Variants in GPC5 observed in about 807,000 individuals in gnomAD.
The protein encoded by GPC5 is glypican-5.
A neutral mutation model predicts 53.9 loss-of-function variants in GPC5; 47 were observed. That is an observed-to-expected ratio of 0.87 (90% CI 0.69 to 1.11). The LOEUF is 1.11. Ranked by LOEUF, GPC5 falls within the 50% of genes most tolerant of loss-of-function variation. GPC5 has a pLI of 0.00. For synonymous variants in GPC5, 286 were observed against 263.3 expected (o/e 1.09, Z -0.84); for missense variants, 748 against 713.1 (o/e 1.05, Z -0.56).
At chr13:92,818,280 C>T (rs1417850395) in intron 7 of GPC5, among the ~76,000 whole-genome samples, 1 of 151,848 alleles carries the variant, frequency 6.6e-6, no homozygotes, top group Non-Finnish European at 1.5e-5. Flanking sequence ...AAAGTGCTGG[C>T]ATTACAGGCG....
chr13:92,166,957 C>CTCTCTCT (rs1566465866), intron 7 of GPC5, among the ~76,000 whole-genome samples: 4 of 63,014 alleles, frequency 6.3e-5, no homozygotes, highest in African/African-American at 2.2e-4. Context: ...CTCTCTCTCT[C>CTCTCTCT]ACACACACAC....
Position 91,919,993 on chromosome 13 carries a change from T to C in GPC5, c.1401+11936T>C, listed in dbSNP as rs1030094729. On this transcript the variant is annotated intron_variant, in intron 6 of 7. Transcript: ENST00000377067. ...CAGTGGGAAGGTAACTCCCCATCTA[T>C]GGTGAAATCCTTTACTATACCCTAT... Among the ~76,000 whole-genome samples the C allele has an allele frequency of 5.3e-5, 8 of 152,306 alleles. No individual in the cohort carries two copies. The East Asian group carries it at 5.8e-4, about 11-fold the overall frequency.
In GPC5 at chr13:91,816,166, C is replaced by T. The variant is rs190647771; in HGVS notation, c.1280+59746C>T. On this transcript the variant is annotated intron_variant, in intron 5 of 7. Transcript: ENST00000377067. ...TGATTTACTGTGTGTAATTTATTTG[C>T]GTGTTGACTGCCCCGCCTCCAAGCC... 1.4e-3 allele frequency among the ~76,000 whole-genome samples: 219 copies of T among 152,194 alleles called. 1 individual carries two copies. The Middle Eastern group carries it at 0.037, about 26-fold the overall frequency.
chr13:92,242,631 C>T (rs1304924090), intron 7 of GPC5, among the ~76,000 whole-genome samples: 1 of 151,916 alleles, frequency 6.6e-6, no homozygotes, highest in East Asian at 1.9e-4. Context: ...TCATGACAAA[C>T]CTAAACTAGT....
At chr13:92,705,767 A>G (rs1358234885) in intron 7 of GPC5, among the ~76,000 whole-genome samples, 3 of 152,106 alleles carry the variant, frequency 2.0e-5, no homozygotes, top group African/African-American at 7.2e-5. Context: ...AAATAGTATT[A>G]AACAGTGAGT....
chr13:92,425,600 T>C (rs545188275), intron 7 of GPC5, among the ~76,000 whole-genome samples: 43 of 152,232 alleles, frequency 2.8e-4, no homozygotes, highest in African/African-American at 7.7e-4. Flanking sequence ...ATGTCCTTCC[T>C]TCACTCTTCT....
intron 6 of GPC5, among the ~76,000 whole-genome samples, chr13:91,946,106 G>GT (rs997544882): frequency 3.9e-5 from 6 of 151,982 alleles, no homozygotes; most frequent in African/African-American, 1.5e-4. Context: ...CCTACCTTCT[G>GT]TTTTTTATGC....
intron 7 of GPC5, among the ~76,000 whole-genome samples, chr13:92,148,404 C>T (rs182520414): frequency 6.5e-4 from 99 of 152,064 alleles, no homozygotes; most frequent in African/African-American, 2.3e-3. Flanking sequence ...TCTTCATCAC[C>T]AATGTTATCA....
At chr13:91,488,959 T>G (rs1317492431) in intron 2 of GPC5, among the ~76,000 whole-genome samples, 1 of 152,178 alleles carries the variant, frequency 6.6e-6, no homozygotes, top group Non-Finnish European at 1.5e-5. Flanking sequence ...TCTTTTATGG[T>G]CGTAGCTGTG....
intron 7 of GPC5, among the ~76,000 whole-genome samples, chr13:92,753,242 C>A (rs904074735): frequency 2.6e-5 from 4 of 152,150 alleles, no homozygotes; most frequent in Non-Finnish European, 1.5e-5. Context: ...ACACCTCACA[C>A]GGCAGGGTAC....
chr13:92,294,425 A>G (rs1365162871), intron 7 of GPC5, among the ~76,000 whole-genome samples: 2 of 152,090 alleles, frequency 1.3e-5, no homozygotes, highest in Non-Finnish European at 2.9e-5. Flanking sequence ...GATTTAAGCT[A>G]GGAGGGTTGT....
intron 7 of GPC5, among the ~76,000 whole-genome samples, chr13:92,580,297 A>G (rs969638462): frequency 2.1e-4 from 32 of 152,218 alleles, no homozygotes; most frequent in Non-Finnish European, 5.9e-5. Flanking sequence ...AAATGTAAAT[A>G]AAAGAATAAT....
chr13:91,723,803 C>T (rs891375919), intron 3 of GPC5, among the ~76,000 whole-genome samples: 1 of 152,150 alleles, frequency 6.6e-6, no homozygotes, highest in Non-Finnish European at 1.5e-5. Flanking sequence ...ATTCTGTTCC[C>T]TTGCCCATTA....
chr13:92,480,348 T>C (rs1879302022), intron 7 of GPC5, among the ~76,000 whole-genome samples: 1 of 152,154 alleles, frequency 6.6e-6, no homozygotes, highest in African/African-American at 2.4e-5. Context: ...GGAAAAAAAG[T>C]AAAAAGCTTA....
Position 92,838,475 on chromosome 13 carries a change from T to A in GPC5, c.1562-27807T>A, listed in dbSNP as rs1458412072. 2.8e-5 allele frequency among the ~76,000 whole-genome samples: 4 copies of A among 140,930 alleles called. No individual in the cohort carries two copies. In the South Asian group the frequency reaches 1.0e-3, roughly 36 times the overall value. 92.5% of individuals were successfully genotyped at this position (140,930 alleles called of 152,430 possible). A position where few individuals can be genotyped will look rare whatever the true frequency, so the allele number is the denominator to read the frequency against. ...TCCAGCCTGGGCTACAGAGTGAGAC[T>A]CCGCGCCCCCCCCAAAAAAAAAAAG... On this transcript the variant is annotated intron_variant, in intron 7 of 7. Transcript: ENST00000377067.
intron 6 of GPC5, among the ~76,000 whole-genome samples, chr13:92,121,901 GA>G (rs1481229492): frequency 3.3e-5 from 5 of 152,058 alleles, no homozygotes; most frequent in Non-Finnish European, 7.4e-5. Context: ...TTTTAAAAGA[GA>G]AAAAAATTAG....
chr13:91,676,873 A>T (rs191479), intron 2 of GPC5, among the ~76,000 whole-genome samples: 37,233 of 152,098 alleles, frequency 0.24, 6,599 homozygotes, highest in African/African-American at 0.5. Flanking sequence ...CCTTACGAGG[A>T]TTAGGTAGGG....
chr13:92,165,808 A>G (rs752527465), intron 7 of GPC5, among the ~76,000 whole-genome samples: 3 of 152,212 alleles, frequency 2.0e-5, no homozygotes, highest in Non-Finnish European at 4.4e-5. Context: ...TGTTCTGGAT[A>G]TATCCATGTA....
intron 1 of GPC5, among the ~76,000 whole-genome samples, chr13:91,427,214 C>A (rs1019282524): frequency 6.6e-6 from 1 of 152,220 alleles, no homozygotes; most frequent in Non-Finnish European, 1.5e-5. Context: ...GGGCTGCAGT[C>A]TTCTAGACCC....
Sources: allele counts gnomAD v4.1 joint callset (sites outside exome capture counted in the v4.1 genomes callset), GRCh38; gene constraint gnomAD v4.1.1; transcripts MANE v1.5; gene names NCBI Gene and HGNC (gene_info 2026-07-23, HGNC 2026-07-21).